The following CDH13 variants were observed in gnomAD, a reference collection of about 807,000 sequenced individuals.
CDH13 encodes the protein cadherin-13.
A neutral mutation model predicts 63.8 loss-of-function variants in CDH13; 24 were observed. The ratio of observed to expected loss-of-function variants is 0.38; its 90% confidence interval spans 0.27 to 0.53. The LOEUF (loss-of-function observed/expected upper bound fraction) is 0.53, where lower values mean the gene tolerates loss of function less well. Among genes scored for constraint, CDH13 ranks in the 20% least tolerant of loss-of-function variants. The probability of loss-of-function intolerance (pLI) is 0.85; values close to 1 mark genes in which losing one functional copy is unlikely to be tolerated. For missense variants in CDH13, 1,049 were observed against 903.1 expected, an observed-to-expected ratio of 1.16 and a Z score of -2.07; for synonymous variants, 503 against 355.3, an observed-to-expected ratio of 1.42 and a Z score of -4.67.
At chr16:83,379,303 T>C (rs2091513899) in intron 6 of CDH13, among the ~76,000 whole-genome samples, 1 of 152,198 alleles carries the variant, frequency 6.6e-6, no homozygotes, top group African/African-American at 2.4e-5. Flanking sequence ...AGTCAAGAAC[T>C]GTCCTGGGTG....
At chr16:83,657,712 G>T (rs759110896) in intron 8 of CDH13, among the ~76,000 whole-genome samples, 1 of 152,192 alleles carries the variant, frequency 6.6e-6, no homozygotes, top group African/African-American at 2.4e-5. Flanking sequence ...CCTTGGCAAA[G>T]GTACTGCATT....
chr16:82,995,206 A>C (rs1275847173), intron 2 of CDH13, among the ~76,000 whole-genome samples: 1 of 152,138 alleles, frequency 6.6e-6, no homozygotes, highest in Non-Finnish European at 1.5e-5. Flanking sequence ...ATTCAACTCA[A>C]CTGTGGCCAG....
At chr16:83,150,637 A>C (rs961325573) in intron 4 of CDH13, among the ~76,000 whole-genome samples, 5 of 152,130 alleles carry the variant, frequency 3.3e-5, no homozygotes, top group African/African-American at 9.7e-5. Flanking sequence ...GTCCTTATAG[A>C]GCGTTTTTTA....
At chr16:83,272,875 A>G (rs1034452225) in intron 5 of CDH13, among the ~76,000 whole-genome samples, 3 of 152,144 alleles carry the variant, frequency 2.0e-5, no homozygotes, top group African/African-American at 7.2e-5. Context: ...GGGATTTTAG[A>G]CGTGGATTGT....
intron 3 of CDH13, among the ~76,000 whole-genome samples, chr16:83,065,352 G>A (rs1306199029): frequency 6.6e-6 from 1 of 152,148 alleles, no homozygotes; most frequent in Admixed American, 6.6e-5. Context: ...GTACAAAGAT[G>A]GGTAAGATGG....
Position 83,113,632 on chromosome 16 carries a change from A to G in CDH13, c.367-11753A>G, listed in dbSNP as rs533829876. ...AAGCTGAGACAGGGCTCTAGGGGAA[A>G]AAGGCAAAGTGCAGCCAATCCTCAT... On this transcript the variant is annotated intron_variant, in intron 3 of 13. Coordinates refer to ENST00000567109, the MANE Select transcript of CDH13 (RefSeq NM_001257.5). 1.8e-3 allele frequency among the ~76,000 whole-genome samples: 267 copies of G among 152,364 alleles called. 2 individuals carry two copies. Among genetic ancestry groups the G allele is most frequent in the African/African-American group, 6.1e-3 (254 of 41,588 alleles).
chr16:83,512,020 T>G (rs555606307), intron 7 of CDH13, among the ~76,000 whole-genome samples: 16 of 152,178 alleles, frequency 1.1e-4, no homozygotes, highest in Admixed American at 3.9e-4. Flanking sequence ...AAACTAGCTT[T>G]TTTAAAAAAT....
intron 1 of CDH13, among the ~76,000 whole-genome samples, chr16:82,677,489 C>T (rs896981081): frequency 1.4e-5 from 2 of 142,554 alleles, no homozygotes; most frequent in Non-Finnish European, 3.0e-5. Flanking sequence ...ATGAAATCCC[C>T]ACTGCTGAGC....
chr16:83,363,849 T>C (rs747021052), intron 6 of CDH13, among the ~76,000 whole-genome samples: 1 of 152,100 alleles, frequency 6.6e-6, no homozygotes, highest in Admixed American at 6.5e-5. Flanking sequence ...TAAAGTAAAA[T>C]GGCCCGAGAG....
rs1730138747 is a variant in CDH13, at chr16:83,795,821, T to C, written c.*791T>C. The C allele has an allele frequency of 1.3e-5, 2 of 152,656 alleles. No homozygotes were observed. Among genetic ancestry groups the C allele is most frequent in the South Asian group, 4.1e-4 (2 of 4,836 alleles). 9.5% of individuals were successfully genotyped at this position (152,656 alleles called of 1,614,324 possible). ...TTTCTTTCATGGGCACCAACCTGCA[T>C]TTGTATGTGTCCCGAATCCACAGTC... On this transcript the variant is annotated 3_prime_UTR_variant, in exon 14 of 14. Coordinates refer to ENST00000567109, the MANE Select transcript of CDH13 (RefSeq NM_001257.5).
intron 6 of CDH13, among the ~76,000 whole-genome samples, chr16:83,471,082 C>A (rs1203654877): frequency 2.0e-5 from 3 of 152,108 alleles, no homozygotes; most frequent in Non-Finnish European, 4.4e-5. Flanking sequence ...ATCTCCTTCT[C>A]TGACTCCCAT....
At chr16:82,658,715 T>C (rs1911584249) in intron 1 of CDH13, among the ~76,000 whole-genome samples, 1 of 152,192 alleles carries the variant, frequency 6.6e-6, no homozygotes, top group African/African-American at 2.4e-5. Flanking sequence ...GTGGCTGCCA[T>C]GATGGTTTGC....
chr16:82,794,808 C>G (rs539885290), intron 1 of CDH13, among the ~76,000 whole-genome samples: 141 of 152,254 alleles, frequency 9.3e-4, no homozygotes, highest in Middle Eastern at 6.8e-3. Context: ...GTTTTTCCTA[C>G]TTTGGTTCCT....
At chr16:83,698,956 G>A (rs1406003194) in intron 10 of CDH13, among the ~76,000 whole-genome samples, 1 of 152,246 alleles carries the variant, frequency 6.6e-6, no homozygotes, top group Non-Finnish European at 1.5e-5. Flanking sequence ...ATGGGCCATA[G>A]TTTGCCAACC....
At chr16:83,073,348 TGTGTGTGAGAGAGAGA>T (rs1567803478) in intron 3 of CDH13, among the ~76,000 whole-genome samples, 1 of 125,826 alleles carries the variant, frequency 7.9e-6, no homozygotes, top group Non-Finnish European at 1.7e-5. Flanking sequence ...TGTGTGTGTG[TGTGTGTGAGAGAGAGA>T]GAGAGAGAGA....
At chr16:82,982,455 A>C (rs982547388) in intron 2 of CDH13, among the ~76,000 whole-genome samples, 1 of 152,238 alleles carries the variant, frequency 6.6e-6, no homozygotes, top group African/African-American at 2.4e-5. Context: ...AAGTGTCGGC[A>C]GAGCCATAGC....
chr16:83,166,706 C>G lies in CDH13; in HGVS notation c.483+41205C>G, dbSNP rs183207306. Among the ~76,000 whole-genome samples the G allele has an allele frequency of 8.5e-4, 129 of 152,240 alleles. 1 individual carries two copies. The highest frequency in any genetic ancestry group is 3.1e-3 in the African/African-American group (127 of 41,566). ...TCTCATGTTTACACTAACTTTGTGTCTTTTGAAGTTCACTTTTAACTTTGT... is the reference window on the plus strand; with the variant it reads ...TCTCATGTTTACACTAACTTTGTGTGTTTTGAAGTTCACTTTTAACTTTGT... On this transcript the variant is annotated intron_variant, in intron 4 of 13. Coordinates refer to ENST00000567109, the MANE Select transcript of CDH13 (RefSeq NM_001257.5).
chr16:83,038,644 G>T (rs376995620), intron 3 of CDH13, among the ~76,000 whole-genome samples: 2 of 152,188 alleles, frequency 1.3e-5, no homozygotes, highest in Non-Finnish European at 2.9e-5. Context: ...TGGATGAGGG[G>T]TCTGCGTGTG....
chr16:83,621,444 C>T (rs997540605), intron 8 of CDH13, among the ~76,000 whole-genome samples: 3 of 141,006 alleles, frequency 2.1e-5, no homozygotes, highest in Non-Finnish European at 3.0e-5. Context: ...CTTCAACTTA[C>T]TGCTGGCCCT....
Sources: gnomAD v4.1 joint callset for allele counts (sites outside exome capture counted in the v4.1 genomes callset) on GRCh38, gnomAD v4.1.1 for gene constraint, MANE v1.5 for transcripts, NCBI Gene and HGNC (gene_info 2026-07-23, HGNC 2026-07-21) for gene names.